CTIF: variants seen among roughly 807,000 people sequenced by gnomAD.
CTIF encodes the protein cap binding complex dependent translation initiation factor, also known as CBP80/20-dependent translation initiation factor.
In CTIF, 21 loss-of-function variants were observed where a neutral mutation model predicts 66.0. The observed-to-expected ratio is 0.32, with a 90% CI of 0.23 to 0.46. CTIF has a LOEUF of 0.46. Among genes scored for constraint, CTIF ranks in the 20% least tolerant of loss-of-function variants. The pLI is 1.00. For synonymous variants in CTIF, 345 were observed against 326.4 expected (o/e 1.06, Z -0.62); for missense variants, 739 against 812.7 (o/e 0.91, Z 1.10).
At chr18:48,716,202 G>A (rs1456305400) in intron 7 of CTIF, among the ~76,000 whole-genome samples, 4 of 152,220 alleles carry the variant, frequency 2.6e-5, no homozygotes, top group Non-Finnish European at 5.9e-5. Flanking sequence ...CCGAGAATAC[G>A]GGAAGTATAG....
chr18:48,698,925 G>A (rs2092045151), intron 6 of CTIF, among the ~76,000 whole-genome samples: 1 of 152,162 alleles, frequency 6.6e-6, no homozygotes, highest in South Asian at 2.1e-4. Context: ...TACAGCCGCT[G>A]GCACCACATA....
intron 9 of CTIF, among the ~76,000 whole-genome samples, chr18:48,788,112 G>A (rs547645929): frequency 4.9e-4 from 74 of 152,298 alleles, no homozygotes; most frequent in Middle Eastern, 6.8e-3. Context: ...TAATCCCCAT[G>A]GGGACAATTG....
At chr18:48,660,889 C>T (rs539158132) in intron 3 of CTIF, among the ~76,000 whole-genome samples, 1 of 152,352 alleles carries the variant, frequency 6.6e-6, no homozygotes, top group South Asian at 2.1e-4. Flanking sequence ...ACCTTCTCTA[C>T]ATAGTTGCTC....
intron 9 of CTIF, among the ~76,000 whole-genome samples, chr18:48,796,565 G>C (rs1238990510): frequency 6.6e-6 from 1 of 152,142 alleles, no homozygotes; most frequent in African/African-American, 2.4e-5. Context: ...AAGGGAGCAA[G>C]CTGGAGATGG....
intron 7 of CTIF, among the ~76,000 whole-genome samples, chr18:48,747,272 G>A (rs1012641490): frequency 6.6e-6 from 1 of 152,222 alleles, no homozygotes; most frequent in Admixed American, 6.5e-5. Flanking sequence ...GCCACCATCG[G>A]CCAGCTTGCC....
chr18:48,860,414 C>G lies in CTIF; in HGVS notation c.*855C>G, dbSNP rs1568276808. 6.3e-6 allele frequency: 1 copy of G among 159,676 alleles called. No individual in the cohort carries two copies. Among genetic ancestry groups the G allele is most frequent in the South Asian group, 1.8e-4 (1 of 5,410 alleles). The allele number at this position is 159,676 out of a possible 1,614,324, so 9.9% of individuals were successfully genotyped here. A position where few individuals can be genotyped will look rare whatever the true frequency, so the allele number is the denominator to read the frequency against. On this transcript the variant is annotated 3_prime_UTR_variant, in exon 12 of 12. Coordinates refer to ENST00000256413, the MANE Select transcript of CTIF (RefSeq NM_014772.3). The stretch of plus-strand genomic sequence containing the variant: ...AAGGATTCGAGCCACAGACAGCTTG[C>G]CAGTAGCCAATTAGGGTAATTGGAA...
At chr18:48,835,758 G>A (rs1360091616) in intron 10 of CTIF, among the ~76,000 whole-genome samples, 1 of 152,190 alleles carries the variant, frequency 6.6e-6, no homozygotes. Flanking sequence ...GGATCAAGTA[G>A]GACATGTCAG....
chr18:48,552,152 T>C (rs2145545670), intron 1 of CTIF, among the ~76,000 whole-genome samples: 1 of 152,356 alleles, frequency 6.6e-6, no homozygotes, highest in East Asian at 1.9e-4. Flanking sequence ...GGTGTCATAG[T>C]AAGCACTTTG....
chr18:48,730,960 C>A (rs1285468244), intron 7 of CTIF, among the ~76,000 whole-genome samples: 1 of 152,082 alleles, frequency 6.6e-6, no homozygotes, highest in Non-Finnish European at 1.5e-5. Flanking sequence ...TCTGGGGAAA[C>A]TCTCCCAGCC....
intron 1 of CTIF, among the ~76,000 whole-genome samples, chr18:48,545,466 A>G (rs2088723865): frequency 2.0e-5 from 3 of 152,228 alleles, no homozygotes; most frequent in Non-Finnish European, 1.5e-5. Flanking sequence ...ACCAAAGGTC[A>G]TACATTAAAA....
chr18:48,632,414 C>T (rs1040458686), intron 2 of CTIF, among the ~76,000 whole-genome samples: 3 of 152,172 alleles, frequency 2.0e-5, no homozygotes, highest in Admixed American at 6.5e-5. Flanking sequence ...CTGTGGACTC[C>T]ACCATCTTGC....
intron 9 of CTIF, among the ~76,000 whole-genome samples, chr18:48,797,211 G>A (rs1024997094): frequency 1.3e-5 from 2 of 152,170 alleles, no homozygotes; most frequent in South Asian, 2.1e-4. Flanking sequence ...GGCTGGGCAC[G>A]ATGGCTCACA....
At chr18:48,663,134 G>A (rs966886925) in intron 3 of CTIF, among the ~76,000 whole-genome samples, 2 of 152,188 alleles carry the variant, frequency 1.3e-5, no homozygotes, top group Non-Finnish European at 2.9e-5. Context: ...AGAAGGGCTG[G>A]AGGGCATCAG....
chr18:48,854,151 AGAAGCC>A (rs1457607497), intron 10 of CTIF, among the ~76,000 whole-genome samples: 1 of 152,186 alleles, frequency 6.6e-6, no homozygotes, highest in Non-Finnish European at 1.5e-5. Flanking sequence ...CCTGACTTCA[AGAAGCC>A]GACAGTTCAC....
chr18:48,622,041 CAG>C (rs1347572344), intron 2 of CTIF, among the ~76,000 whole-genome samples: 1 of 152,146 alleles, frequency 6.6e-6, no homozygotes, highest in African/African-American at 2.4e-5. Context: ...GGTGCAGAGG[CAG>C]AGTTACAAAG....
intron 9 of CTIF, among the ~76,000 whole-genome samples, chr18:48,767,361 T>TG (rs769552087): frequency 6.6e-6 from 1 of 152,154 alleles, no homozygotes; most frequent in Non-Finnish European, 1.5e-5. Flanking sequence ...CACCCAGCAC[T>TG]GCCCTGTCAC....
chr18:48,713,319 C>A (rs28618158), intron 7 of CTIF, among the ~76,000 whole-genome samples: 1 of 152,070 alleles, frequency 6.6e-6, no homozygotes, highest in Non-Finnish European at 1.5e-5. Context: ...TGAGAAGTCA[C>A]CCTCTGCCCC....
intron 9 of CTIF, among the ~76,000 whole-genome samples, chr18:48,811,733 A>T (rs539878624): frequency 6.6e-5 from 10 of 152,314 alleles, no homozygotes; most frequent in Non-Finnish European, 1.3e-4. Context: ...AGCATGTGTC[A>T]GAATTTCTTT....
At chr18:48,646,901 CA>C (rs35904615) in intron 3 of CTIF, among the ~76,000 whole-genome samples, 12,785 of 77,774 alleles carry the variant, frequency 0.16, 222 homozygotes, top group African/African-American at 0.33. Context: ...TTGGCAGTTT[CA>C]AAAAAAAAAA....
Sources: allele counts gnomAD v4.1 joint callset (sites outside exome capture counted in the v4.1 genomes callset), GRCh38; gene constraint gnomAD v4.1.1; transcripts MANE v1.5; gene names NCBI Gene and HGNC (gene_info 2026-07-23, HGNC 2026-07-21).